Variants in WDR27 observed in about 807,000 individuals in gnomAD.
WDR27 encodes WD repeat domain 27, also known as WD repeat-containing protein 27.
In WDR27, 100 loss-of-function variants were observed where a neutral mutation model predicts 114.4. That is an observed-to-expected ratio of 0.87 (90% CI 0.74 to 1.03). WDR27 has a LOEUF of 1.03. Among genes scored for constraint, WDR27 ranks in the 50% least tolerant of loss-of-function variants. The pLI, the probability that WDR27 is intolerant of heterozygous loss-of-function variation, is 0.00. For synonymous variants in WDR27, 449 were observed against 423.1 expected, an observed-to-expected ratio of 1.06 and a Z score of -0.75; for missense variants, 1,129 against 1,092.9, an observed-to-expected ratio of 1.03 and a Z score of -0.47.
chr6:169,437,146 A>G, the WDR27 span, among the ~76,000 whole-genome samples: 1 of 152,180 alleles, frequency 6.6e-6, no homozygotes, highest in Non-Finnish European at 1.5e-5. Flanking sequence ...AAAAAGGGAA[A>G]TTATAGAACA....
chr6:169,588,218 T>A (rs1396136232), intron 23 of WDR27, among the ~76,000 whole-genome samples: 1 of 152,024 alleles, frequency 6.6e-6, no homozygotes, highest in African/African-American at 2.4e-5. Context: ...AGGACAGGAG[T>A]GCTGGAGGGA....
Position 169,660,727 on chromosome 6 carries a change from G to C in WDR27, c.1065C>G (p.Ser355Arg), listed in dbSNP as rs1825833799. 6.2e-7 allele frequency: 1 copy of C among 1,613,508 alleles called. No individual in the cohort carries two copies. The highest frequency in any genetic ancestry group is 8.5e-7 in the Non-Finnish European group (1 of 1,179,816). ...GGTTAAATACGAATAAGCCCACTGA[G>C]CTTCCGATCCACACACATCGGGTGT... ...SENTRCVWIG[S>R]SVGLFVFNLA... Residue 355 changes from serine (S) to arginine (R), a missense_variant, in exon 10 of 26, where the codon AGC (serine) becomes AGG (arginine). Ser to Arg is a moderately radical substitution (Grantham distance 110). Transcript: ENST00000448612.
rs1269086580 is a variant in WDR27, at chr6:169,658,317, G to A, written c.1361C>T (p.Ala454Val). The change falls in exon 13 of 26, where the codon GCC becomes GTC. Residue 454 changes from alanine (A) to valine (V), a missense_variant. By Grantham distance (64) the Ala-to-Val change is moderately conservative (BLOSUM62 0). Transcript: ENST00000448612. ...LPTSPLYLGIAKEKSTKAASE... is the reference protein window; with the variant it reads ...LPTSPLYLGIVKEKSTKAASE... ...AGCAGCCTTGGTACTCTTCTCCTTG[G>A]CAATTCCCAGATACAGTGGAGAGGT... 2.5e-6 allele frequency: 4 copies of A among 1,601,730 alleles called. No homozygotes were observed. The highest frequency in any genetic ancestry group is 3.4e-6 in the Non-Finnish European group (4 of 1,174,538).
Position 169,659,601 on chromosome 6 carries a change from C to A in WDR27, c.1130-83G>T. The A allele has an allele frequency of 3.0e-6, 4 of 1,343,268 alleles. No individual in the cohort carries two copies. In the South Asian group the frequency reaches 5.0e-5, roughly 17 times the overall value. 83.2% of individuals were successfully genotyped at this position (1,343,268 alleles called of 1,614,324 possible). A position where few individuals can be genotyped will look rare whatever the true frequency, so the allele number is the denominator to read the frequency against. The stretch of plus-strand genomic sequence containing the variant: ...CGGAGTCACTGCCCAGAGCCCACCA[C>A]ACACAGCCCAGAGCCCACCACACAC... On this transcript the variant is annotated intron_variant, in intron 10 of 25. Transcript: ENST00000448612. This position sits in a 1 kb window ranked among gnomAD's most constrained non-coding sequence, Gnocchi z 4.3.
Position 169,666,606 on chromosome 6 carries a change from C to A in WDR27, c.712+530G>T, listed in dbSNP as rs901361791. The A allele has an allele frequency of 7.1e-5, 70 of 985,492 alleles. 1 individual carries two copies. Among genetic ancestry groups the A allele is most frequent in the Non-Finnish European group, 8.0e-5 (66 of 830,032 alleles). 61.0% of individuals were successfully genotyped at this position (985,492 alleles called of 1,614,324 possible). A position where few individuals can be genotyped will look rare whatever the true frequency, so the allele number is the denominator to read the frequency against. On this transcript the variant is annotated intron_variant, in intron 6 of 25. Transcript: ENST00000448612. ...CCTTATGCCGTGCTCCGCGGACGGA[C>A]GCCTGCACCATCAATGCTGTAGCTG...
intron 25 of WDR27, among the ~76,000 whole-genome samples, chr6:169,565,718 A>T (rs531212516): frequency 3.9e-5 from 6 of 152,366 alleles, no homozygotes; most frequent in Non-Finnish European, 5.9e-5. Context: ...TCTGTTGCCC[A>T]GGCTGGAGTG....
chr6:169,527,065 C>T (rs1795044001), intron 25 of WDR27, among the ~76,000 whole-genome samples: 2 of 152,164 alleles, frequency 1.3e-5, no homozygotes, highest in East Asian at 1.9e-4. Flanking sequence ...AATAATGTAG[C>T]CACTGGTATA....
downstream of WDR27, among the ~76,000 whole-genome samples, chr6:169,456,263 C>A (rs9478021): frequency 6.6e-6 from 1 of 152,086 alleles, no homozygotes; most frequent in African/African-American, 2.4e-5. This position sits in a 1 kb window ranked among gnomAD's most constrained non-coding sequence, Gnocchi z 4.0. Context: ...CATTTATGGT[C>A]GATGTGTGAA....
At chr6:169,677,332 C>T (rs1354919867) in intron 2 of WDR27, among the ~76,000 whole-genome samples, 1 of 152,262 alleles carries the variant, frequency 6.6e-6, no homozygotes, top group East Asian at 1.9e-4. Flanking sequence ...ACATTCTGTT[C>T]ATGCCCTAGG....
intron 1 of WDR27, among the ~76,000 whole-genome samples, chr6:169,691,965 T>C (rs1220831823): frequency 6.6e-6 from 1 of 152,090 alleles, no homozygotes; most frequent in Non-Finnish European, 1.5e-5. Flanking sequence ...CCAAAAAAAA[T>C]GAAAGAATTC....
intron 17 of WDR27, among the ~76,000 whole-genome samples, chr6:169,642,041 G>C (rs926155030): frequency 2.6e-5 from 4 of 152,168 alleles, no homozygotes; most frequent in Non-Finnish European, 5.9e-5. Context: ...AATTAAATAC[G>C]GTTGCTCTCA....
At chr6:169,540,187 A>G (rs1355438269) in intron 25 of WDR27, among the ~76,000 whole-genome samples, 1 of 152,228 alleles carries the variant, frequency 6.6e-6, no homozygotes, top group East Asian at 1.9e-4. Context: ...TATGGCCCCT[A>G]GAATGACTAT....
intron 2 of WDR27, among the ~76,000 whole-genome samples, chr6:169,686,332 A>T (rs192439035): frequency 6.6e-6 from 1 of 152,310 alleles, no homozygotes; most frequent in East Asian, 1.9e-4. Flanking sequence ...AACTGAAAAA[A>T]TAAACAGTAA....
At chr6:169,614,517 G>T (rs1055576480) in intron 21 of WDR27, among the ~76,000 whole-genome samples, 1 of 151,802 alleles carries the variant, frequency 6.6e-6, no homozygotes, top group Non-Finnish European at 1.5e-5. Context: ...GTGAAATCCC[G>T]TCTCTATAAA....
At chr6:169,586,818 C>CA (rs1341723040) in intron 23 of WDR27, among the ~76,000 whole-genome samples, 2 of 128,180 alleles carry the variant, frequency 1.6e-5, no homozygotes, top group African/African-American at 5.7e-5. Context: ...TACTGCACTC[C>CA]AGCCTGGCGA....
chr6:169,600,497 C>T (rs1280937754), intron 23 of WDR27, among the ~76,000 whole-genome samples: 2 of 152,112 alleles, frequency 1.3e-5, no homozygotes, highest in African/African-American at 2.4e-5. Context: ...AAGAAGGCTT[C>T]GGACGATCAA....
intron 25 of WDR27, among the ~76,000 whole-genome samples, chr6:169,478,562 G>T (rs1431978873): frequency 6.9e-6 from 1 of 145,612 alleles, no homozygotes; most frequent in Admixed American, 6.8e-5. Context: ...AATGCCCAAA[G>T]AAAAAAAAAA....
chr6:169,431,306 G>T, the WDR27 span, among the ~76,000 whole-genome samples: 172 of 152,152 alleles, frequency 1.1e-3, no homozygotes, highest in Middle Eastern at 0.02. Flanking sequence ...ATTTAGAGGG[G>T]TCTCTCTAAA....
chr6:169,505,841 G>A (rs890996059), intron 25 of WDR27, among the ~76,000 whole-genome samples: 1 of 152,128 alleles, frequency 6.6e-6, no homozygotes, highest in Non-Finnish European at 1.5e-5. Context: ...TGATTCATTA[G>A]GACTGGGCAG....
Sources: gnomAD v4.1 joint callset for allele counts (sites outside exome capture counted in the v4.1 genomes callset) on GRCh38, gnomAD v4.1.1 for gene constraint, Gnocchi (gnomAD v3.1) non-coding constraint, MANE v1.5 for transcripts, NCBI Gene and HGNC (gene_info 2026-07-23, HGNC 2026-07-21) for gene names.